Variants in UNC13C observed in about 807,000 individuals in gnomAD.
UNC13C encodes protein unc-13 homolog C.
Under a neutral mutation model 245.4 loss-of-function variants are expected in UNC13C, and 174 were observed. The observed-to-expected ratio is 0.71, with a 90% CI of 0.63 to 0.80. The LOEUF (loss-of-function observed/expected upper bound fraction) is 0.80. Among genes scored for constraint, UNC13C ranks in the 30% least tolerant of loss-of-function variants. The pLI, the probability that UNC13C is intolerant of heterozygous loss-of-function variation, is 0.00. For missense variants in UNC13C, 2,829 were observed against 2,602.9 expected, an observed-to-expected ratio of 1.09 and a Z score of -1.89; for synonymous variants, 992 against 895.1, an observed-to-expected ratio of 1.11 and a Z score of -1.93.
chr15:54,546,731 C>A lies in UNC13C; in HGVS notation c.5706C>A (p.Leu1902=), dbSNP rs778446087. 18 of 1,497,264 alleles carry A rather than the reference C, an allele frequency of 1.2e-5. No homozygotes were observed. The highest frequency in any genetic ancestry group is 1.6e-5 in the Non-Finnish European group (18 of 1,123,050). The allele number at this position is 1,497,264 out of a possible 1,614,324, so 92.7% of individuals were successfully genotyped here. Residue 1902 remains leucine (L), a synonymous_variant, in exon 27 of 33, where the codon CTC becomes CTA. Coordinates refer to ENST00000260323, the MANE Select transcript of UNC13C (RefSeq NM_001080534.3). ...LMDFLDKTLS[L]SAKICEKTVL... ...TATATTTTTTTTTCAGATTAAGTCT[C>A]TCAGCAAAAATCTGTGAGAAAACAG... is the stretch of plus-strand genomic sequence containing the variant.
chr15:53,953,018 C>T, the UNC13C span, among the ~76,000 whole-genome samples: 3 of 152,054 alleles, frequency 2.0e-5, no homozygotes, highest in African/African-American at 7.2e-5. Flanking sequence ...CTTCTATGTT[C>T]GAAACCTGAA....
chr15:54,536,826 C>T (rs184541871), intron 26 of UNC13C, among the ~76,000 whole-genome samples: 1 of 151,980 alleles, frequency 6.6e-6, no homozygotes, highest in East Asian at 1.9e-4. Context: ...TAAGGGAACA[C>T]ACTTCAAAAT....
chr15:54,427,522 T>A (rs562684979), intron 19 of UNC13C, among the ~76,000 whole-genome samples: 5 of 151,856 alleles, frequency 3.3e-5, no homozygotes, highest in African/African-American at 1.2e-4. Flanking sequence ...TTTTTCTGAT[T>A]TAAAAACTTA....
At chr15:53,861,786 A>C in the UNC13C span, among the ~76,000 whole-genome samples, 1 of 152,204 alleles carries the variant, frequency 6.6e-6, no homozygotes, top group African/African-American at 2.4e-5. Context: ...TCATAACCTC[A>C]GAGTAGTCCA....
chr15:54,126,005 G>T (rs1001581314), intron 2 of UNC13C, among the ~76,000 whole-genome samples: 9 of 151,694 alleles, frequency 5.9e-5, no homozygotes, highest in Non-Finnish European at 1.2e-4. Flanking sequence ...ACAATACAAA[G>T]AAATATTCTA....
intron 32 of UNC13C, 100 bp downstream of exon 32, chr15:54,624,054 G>T: frequency 6.9e-7 from 1 of 1,441,116 alleles, no homozygotes; most frequent in South Asian, 1.3e-5. Context: ...GGAAAATGAA[G>T]AAGGCTCTGT....
intron 8 of UNC13C, 28 bp from the exon 9 acceptor site, chr15:54,264,140 C>T (rs770445210): frequency 6.5e-7 from 1 of 1,547,226 alleles, no homozygotes; most frequent in South Asian, 1.2e-5. Flanking sequence ...CATTTCCATT[C>T]ACATCACCAT....
intron 2 of UNC13C, among the ~76,000 whole-genome samples, chr15:54,081,169 A>T (rs1898918482): frequency 6.6e-6 from 1 of 152,008 alleles, no homozygotes; most frequent in East Asian, 1.9e-4. Flanking sequence ...GTCTGATAAT[A>T]TGCTTGATAT....
intron 19 of UNC13C, among the ~76,000 whole-genome samples, chr15:54,429,859 A>G (rs1015057431): frequency 6.6e-6 from 1 of 151,726 alleles, no homozygotes; most frequent in Non-Finnish European, 1.5e-5. Context: ...AAAAAGTAAT[A>G]TAGTTGTGGA....
intron 26 of UNC13C, among the ~76,000 whole-genome samples, chr15:54,542,799 T>C (rs1056000022): frequency 2.0e-5 from 3 of 152,182 alleles, no homozygotes; most frequent in Admixed American, 6.6e-5. Flanking sequence ...AAAGTCTGTT[T>C]TATCAGAGAC....
chr15:54,587,934 C>G (rs1415900217), intron 30 of UNC13C, among the ~76,000 whole-genome samples: 1 of 152,146 alleles, frequency 6.6e-6, no homozygotes, highest in African/African-American at 2.4e-5. Context: ...ATTCACTGTG[C>G]ATTTGTTATG....
At chr15:54,450,074 G>C (rs528164598) in intron 19 of UNC13C, among the ~76,000 whole-genome samples, 45 of 152,322 alleles carry the variant, frequency 3.0e-4, no homozygotes, top group Middle Eastern at 3.4e-3. Flanking sequence ...AGCAGTGGAG[G>C]CTGCAGAACA....
intron 2 of UNC13C, among the ~76,000 whole-genome samples, chr15:54,052,356 G>C (rs1029568314): frequency 1.5e-4 from 22 of 145,894 alleles, no homozygotes; most frequent in African/African-American, 5.4e-4. Context: ...CACAATGGTT[G>C]AACTAGTTTA....
the UNC13C span, among the ~76,000 whole-genome samples, chr15:53,931,806 T>C: frequency 6.6e-6 from 1 of 152,144 alleles, no homozygotes; most frequent in Admixed American, 6.5e-5. Flanking sequence ...TAATGCCACA[T>C]ATAGAACATA....
chr15:54,313,713 A>G (rs1021924645), intron 13 of UNC13C, among the ~76,000 whole-genome samples: 2 of 151,824 alleles, frequency 1.3e-5, no homozygotes, highest in African/African-American at 4.8e-5. Flanking sequence ...AAAAGTTATC[A>G]AAGCATAAAC....
chr15:54,321,556 T>C, intron 13 of UNC13C: 1 of 426,452 alleles, frequency 2.3e-6, no homozygotes. Flanking sequence ...CCACATAGCC[T>C]GTGAGTGTTC....
intron 30 of UNC13C, among the ~76,000 whole-genome samples, chr15:54,619,404 G>C (rs1900655833): frequency 6.6e-6 from 1 of 152,074 alleles, no homozygotes; most frequent in Admixed American, 6.6e-5. Flanking sequence ...GCTGCACTTT[G>C]ATCTTTCCTG....
intron 19 of UNC13C, among the ~76,000 whole-genome samples, chr15:54,482,381 C>T (rs1259421420): frequency 1.3e-5 from 2 of 152,154 alleles, no homozygotes; most frequent in African/African-American, 4.8e-5. Flanking sequence ...TTAATCCAAT[C>T]AAGTGAACTC....
At chr15:54,046,335 C>T (rs1449550556) in intron 2 of UNC13C, among the ~76,000 whole-genome samples, 4 of 152,120 alleles carry the variant, frequency 2.6e-5, no homozygotes. Context: ...GGGATTACAT[C>T]ATTCTGGATT....
Sources: allele counts gnomAD v4.1 joint callset (sites outside exome capture counted in the v4.1 genomes callset), GRCh38; gene constraint gnomAD v4.1.1; transcripts MANE v1.5; gene names NCBI Gene and HGNC (gene_info 2026-07-23, HGNC 2026-07-21).